Variants in GOSR2 observed in about 807,000 individuals in gnomAD.
The protein encoded by GOSR2 is 27 kDa Golgi SNARE protein.
A neutral mutation model predicts 27.9 loss-of-function variants in GOSR2; 20 were observed. The ratio of observed to expected loss-of-function variants is 0.72; its 90% confidence interval spans 0.50 to 1.04. GOSR2 has a LOEUF of 1.04. GOSR2 is among the 50% of genes least tolerant of loss of function. The pLI is 0.00. For synonymous variants in GOSR2, 91 were observed against 98.8 expected (o/e 0.92, Z 0.47); for missense variants, 261 against 270.5 (o/e 0.97, Z 0.25).
rs2089034527 is a variant in GOSR2 at position 46,940,024 on chromosome 17, A to G, written c.*1264A>G. Reference sequence around the variant, plus strand: ...TGGAAACCGGCTCAGTATTAACCCTACCTTTGGTTGTCCTGCCCTACCTGC... The same window carrying G: ...TGGAAACCGGCTCAGTATTAACCCTGCCTTTGGTTGTCCTGCCCTACCTGC... On this transcript the variant is annotated 3_prime_UTR_variant, in exon 6 of 6. Transcript: ENST00000640051. The G allele has an allele frequency of 1.9e-6, 2 of 1,040,442 alleles. No individual in the cohort carries two copies. The highest frequency in any genetic ancestry group is 2.3e-6 in the Non-Finnish European group (2 of 863,120). 64.5% of individuals were successfully genotyped at this position (1,040,442 alleles called of 1,614,324 possible).
chr17:46,923,665 G>A (rs2086044730), intron 1 of GOSR2: 2 of 993,326 alleles, frequency 2.0e-6, no homozygotes, highest in South Asian at 5.1e-5. Flanking sequence ...ATTCTTATTC[G>A]ATTTATACTA....
At chr17:46,970,392 T>TC (rs2091378985), downstream of GOSR2, among the ~76,000 whole-genome samples, 1 of 151,734 alleles carries the variant, frequency 6.6e-6, no homozygotes, top group Non-Finnish European at 1.5e-5. Flanking sequence ...AATGCAAAAA[T>TC]TAGCTGGGAG....
intron 2 of GOSR2, chr17:46,930,651 CT>C (rs34667998): frequency 0.037 from 3,350 of 90,774 alleles, 46 homozygotes; most frequent in African/African-American, 0.076. Flanking sequence ...TTCCTTTATG[CT>C]TTTTTTTTTT....
At position 46,939,400 on chromosome 17, in the gene GOSR2, T is replaced by C; in HGVS notation, c.*640T>C. On this transcript the variant is annotated 3_prime_UTR_variant, in exon 6 of 6. Coordinates refer to ENST00000640051, the MANE Select transcript of GOSR2 (RefSeq NM_004287.5). ...ATTTTCCACACTACAGCTGGGTGTT[T>C]CTCTTTTCTAAAGTGAGGCCAGTGT... 1.0e-6 allele frequency: 1 copy of C among 995,388 alleles called. No individual in the cohort carries two copies. Among genetic ancestry groups the C allele is most frequent in the Non-Finnish European group, 1.2e-6 (1 of 834,604 alleles). The allele number at this position is 995,388 out of a possible 1,614,324, so 61.7% of individuals were successfully genotyped here. A position where few individuals can be genotyped will look rare whatever the true frequency, so the allele number is the denominator to read the frequency against.
intron 5 of GOSR2, 135 bp from the exon 6 acceptor site, chr17:46,938,464 T>G: frequency 7.3e-7 from 1 of 1,360,986 alleles, no homozygotes; most frequent in Non-Finnish European, 1.0e-6. Context: ...TATTTCTGGC[T>G]GATATTGCTT....
At chr17:46,971,124 G>A (rs768891903), downstream of GOSR2, among the ~76,000 whole-genome samples, 1 of 152,106 alleles carries the variant, frequency 6.6e-6, no homozygotes, top group Non-Finnish European at 1.5e-5. Context: ...GATCATTTGA[G>A]GTCAGGAGTT....
At chr17:46,952,935 A>G (rs540789342) in intron 6 of GOSR2, 8 of 152,270 alleles carry the variant, frequency 5.3e-5, no homozygotes, top group African/African-American at 1.9e-4. Context: ...TCTCCTCCCA[A>G]GATACCCCAC....
At chr17:46,942,276 C>G (rs770600917), downstream of GOSR2, among the ~76,000 whole-genome samples, 17 of 152,222 alleles carry the variant, frequency 1.1e-4, no homozygotes, top group Non-Finnish European at 2.1e-4. Context: ...AGCCTAGGCC[C>G]TTCATAAACA....
rs577835455 is a variant in GOSR2 at position 46,932,111 on chromosome 17, C to T, written c.248C>T (p.Ala83Val). The T allele has an allele frequency of 2.8e-5, 45 of 1,613,190 alleles. No individual in the cohort carries two copies. The South Asian group carries it at 3.8e-4, about 14-fold the overall frequency. The change falls in exon 4 of 6, where the codon GCG (alanine) becomes GTG (valine). Residue 83 changes from alanine to valine, a missense_variant. Coordinates refer to ENST00000640051, the MANE Select transcript of GOSR2 (RefSeq NM_004287.5). ...LKYDVQHLQT[A>V]LRNFQHRRHA... ...TATGATGTCCAGCACCTGCAGACTG[C>T]GCTCAGAAACTTCCAGCATCGGCGC...
At chr17:46,931,667 G>A in intron 3 of GOSR2, 1 of 179,438 alleles carries the variant, frequency 5.6e-6, no homozygotes, top group South Asian at 5.8e-5. Context: ...TCCACCCCCA[G>A]CGCCTGTTTC....
At chr17:46,951,896 C>A (rs188584292) in intron 6 of GOSR2, among the ~76,000 whole-genome samples, 31 of 152,134 alleles carry the variant, frequency 2.0e-4, no homozygotes, top group African/African-American at 2.4e-5. Flanking sequence ...CTTCTCCCCC[C>A]CAGACATCAC....
chr17:46,936,209 A>G (rs2088314085), intron 5 of GOSR2: 29 of 985,324 alleles, frequency 2.9e-5, no homozygotes, highest in Non-Finnish European at 3.4e-5. Context: ...ATACATGTTG[A>G]TTAGTCTGCC....
intron 6 of GOSR2, chr17:46,948,667 C>T (rs72837848): frequency 0.019 from 2,929 of 152,284 alleles, 51 homozygotes; most frequent in Non-Finnish European, 0.025. Flanking sequence ...AGTGAGTATG[C>T]GCAGGGCTGC....
chr17:46,973,655 C>T (rs551508274), intron 6 of GOSR2, among the ~76,000 whole-genome samples: 50 of 152,264 alleles, frequency 3.3e-4, no homozygotes, highest in Admixed American at 8.5e-4. Flanking sequence ...ACACCTGCCC[C>T]GTCTGCCGAG....
Position 46,939,808 on chromosome 17 carries a change from T to C in GOSR2, c.*1048T>C. ...TGTGACCAGCCCCGGATTCAGGCTGTACTAATACCAGGTATATTGTGGAAT... is the reference window on the plus strand; with the variant it reads ...TGTGACCAGCCCCGGATTCAGGCTGCACTAATACCAGGTATATTGTGGAAT... On this transcript the variant is annotated 3_prime_UTR_variant, in exon 6 of 6. Transcript: ENST00000640051. 2 of 988,856 alleles carry C rather than the reference T, an allele frequency of 2.0e-6. No individual in the cohort carries two copies. The highest frequency in any genetic ancestry group is 2.4e-6 in the Non-Finnish European group (2 of 831,680). 61.3% of individuals were successfully genotyped at this position (988,856 alleles called of 1,614,324 possible).
intron 6 of GOSR2, among the ~76,000 whole-genome samples, chr17:46,962,879 CAG>C (rs2091144121): frequency 6.6e-6 from 1 of 152,208 alleles, no homozygotes; most frequent in Admixed American, 6.5e-5. Flanking sequence ...GAATCTCTTT[CAG>C]TGTGTGCTAG....
At chr17:46,949,705 C>T (rs1164631248) in intron 6 of GOSR2, among the ~76,000 whole-genome samples, 1 of 152,198 alleles carries the variant, frequency 6.6e-6, no homozygotes, top group African/African-American at 2.4e-5. Context: ...TATCTACTTA[C>T]CCTGGAACCC....
chr17:46,929,330 A>G (rs915691219), intron 1 of GOSR2, among the ~76,000 whole-genome samples, 190 bp from the exon 2 acceptor site: 1 of 152,186 alleles, frequency 6.6e-6, no homozygotes. Flanking sequence ...TATCAGTGTT[A>G]TTGTTAGTAG....
chr17:46,941,402 A>G lies in GOSR2; in HGVS notation c.*2642A>G. 1 of 983,442 alleles carries G rather than the reference A, an allele frequency of 1.0e-6. No homozygotes were observed. The highest frequency in any genetic ancestry group is 1.2e-6 in the Non-Finnish European group (1 of 828,136). The allele number at this position is 983,442 out of a possible 1,614,324, so 60.9% of individuals were successfully genotyped here. On this transcript the variant is annotated 3_prime_UTR_variant, in exon 6 of 6. Coordinates refer to ENST00000640051, the MANE Select transcript of GOSR2 (RefSeq NM_004287.5). ...AAAGAATTCGATATTCATTTTTATAACTAATGGCCCCCTTTTTTTATGTTT... is the reference window on the plus strand; with the variant it reads ...AAAGAATTCGATATTCATTTTTATAGCTAATGGCCCCCTTTTTTTATGTTT...
Sources: gnomAD v4.1 joint callset for allele counts (sites outside exome capture counted in the v4.1 genomes callset) on GRCh38, gnomAD v4.1.1 for gene constraint, MANE v1.5 for transcripts, NCBI Gene and HGNC (gene_info 2026-07-23, HGNC 2026-07-21) for gene names.